Variants in MYLK4 observed in about 807,000 individuals in gnomAD.
MYLK4 encodes the protein caMLCK like.
Under a neutral mutation model 48.1 loss-of-function variants are expected in MYLK4, and 46 were observed. The ratio of observed to expected loss-of-function variants is 0.96; its 90% CI spans 0.75 to 1.22. The LOEUF is 1.22. MYLK4 is among the 50% of genes most tolerant of loss of function. MYLK4 has a pLI of 0.00. For synonymous variants in MYLK4, 170 were observed against 180.8 expected (o/e 0.94, Z 0.48); for missense variants, 451 against 486.1 (o/e 0.93, Z 0.68).
At chr6:2,752,590 G>A (rs1033661053), upstream of MYLK4, among the ~76,000 whole-genome samples, 22 of 152,140 alleles carry the variant, frequency 1.4e-4, no homozygotes, top group African/African-American at 5.1e-4. Flanking sequence ...TGTGGGAAGG[G>A]CAACTCTGGA....
intron 3 of MYLK4, among the ~76,000 whole-genome samples, chr6:2,690,689 A>AT (rs1300548266): frequency 6.6e-6 from 1 of 152,034 alleles, no homozygotes; most frequent in Non-Finnish European, 1.5e-5. Flanking sequence ...ACCCCAAGTT[A>AT]TTCCACTGGA....
intron 2 of MYLK4, among the ~76,000 whole-genome samples, chr6:2,706,496 G>T (rs540912890): frequency 6.6e-6 from 1 of 152,094 alleles, no homozygotes; most frequent in Non-Finnish European, 1.5e-5. Context: ...TATTAAATAC[G>T]TGTAATTTTT....
intron 2 of MYLK4, among the ~76,000 whole-genome samples, chr6:2,712,147 C>T (rs1190451452): frequency 3.3e-5 from 5 of 152,174 alleles, no homozygotes; most frequent in Non-Finnish European, 7.3e-5. Context: ...TCCTCAAGCA[C>T]GGATGCCACT....
At chr6:2,669,417 T>C (rs1364418615) in intron 12 of MYLK4, among the ~76,000 whole-genome samples, 1 of 152,202 alleles carries the variant, frequency 6.6e-6, no homozygotes. Flanking sequence ...CCCATCACCA[T>C]TTCCTCCTCA....
intron 2 of MYLK4, among the ~76,000 whole-genome samples, chr6:2,716,498 A>G (rs1359910627): frequency 6.6e-6 from 1 of 152,206 alleles, no homozygotes; most frequent in Non-Finnish European, 1.5e-5. Context: ...GGCATCGAGT[A>G]TTCTATTTCA....
chr6:2,752,627 G>A (rs146288168), upstream of MYLK4, among the ~76,000 whole-genome samples: 17 of 152,270 alleles, frequency 1.1e-4, no homozygotes, highest in Middle Eastern at 3.4e-3. Flanking sequence ...GAAGTCTTTG[G>A]CAAGTCCATT....
At chr6:2,712,880 C>G (rs1308207152) in intron 2 of MYLK4, among the ~76,000 whole-genome samples, 1 of 152,198 alleles carries the variant, frequency 6.6e-6, no homozygotes, top group Admixed American at 6.5e-5. Context: ...TCCTCTCTCT[C>G]AAAACCAAGG....
At chr6:2,765,878 C>T in the MYLK4 span, 1 of 1,448,460 alleles carries the variant, frequency 6.9e-7, no homozygotes, top group Non-Finnish European at 9.1e-7. Context: ...GCCAGCCACC[C>T]CGACGGCAGC....
At position 2,722,512 on chromosome 6, in the gene MYLK4, A is replaced by T. The variant is rs1582095738; in HGVS notation, c.159+26624T>A. On this transcript the variant is annotated intron_variant, in intron 2 of 12. Coordinates refer to ENST00000274643, the MANE Select transcript of MYLK4 (RefSeq NM_001012418.5). ...AGAGCAGGAAGTAGGACATAAAAGG[A>T]GTGTGTGTGTGTGTGTGTGTGTGTG... 2.9e-5 allele frequency among the ~76,000 whole-genome samples: 4 copies of T among 139,440 alleles called. No individual in the cohort carries two copies. The Admixed American group carries it at 2.9e-4, about 10-fold the overall frequency. The allele number at this position is 139,440 out of a possible 152,430, so 91.5% of individuals were successfully genotyped here. A position where few individuals can be genotyped will look rare whatever the true frequency, so the allele number is the denominator to read the frequency against.
chr6:2,765,182 A>C, the MYLK4 span, among the ~76,000 whole-genome samples: 263 of 72,840 alleles, frequency 3.6e-3, no homozygotes, highest in African/African-American at 5.2e-3. Flanking sequence ...TCGCCTCGCA[A>C]CCCCCCCCCC....
chr6:2,730,289 G>A (rs1458578685), intron 2 of MYLK4, among the ~76,000 whole-genome samples: 2 of 152,226 alleles, frequency 1.3e-5, no homozygotes, highest in African/African-American at 4.8e-5. Context: ...CCCCAAGGGA[G>A]CCCCTCTTTT....
chr6:2,762,127 C>T, the MYLK4 span, among the ~76,000 whole-genome samples: 2 of 152,142 alleles, frequency 1.3e-5, no homozygotes, highest in South Asian at 4.1e-4. Flanking sequence ...CCACGATGGT[C>T]CCCAACTCCT....
chr6:2,767,764 A>G, the MYLK4 span, among the ~76,000 whole-genome samples: 4 of 152,156 alleles, frequency 2.6e-5, no homozygotes, highest in Non-Finnish European at 4.4e-5. Context: ...AGCTCATCCC[A>G]CCTACCAAAT....
chr6:2,691,926 T>C (rs9503254), intron 3 of MYLK4, among the ~76,000 whole-genome samples: 3 of 152,224 alleles, frequency 2.0e-5, no homozygotes, highest in African/African-American at 4.8e-5. Flanking sequence ...TAAACCGCAA[T>C]GGCACATAGC....
intron 2 of MYLK4, among the ~76,000 whole-genome samples, chr6:2,729,117 C>T (rs776960631): frequency 8.5e-5 from 13 of 152,250 alleles, no homozygotes; most frequent in African/African-American, 2.7e-4. Flanking sequence ...TTAGCTCACA[C>T]TCCTGCAAAG....
At position 2,664,627 on chromosome 6, in the gene MYLK4, T is replaced by G. The variant is rs541923170; in HGVS notation, c.*3298A>C. The G allele has an allele frequency of 1.1e-4, 16 of 152,218 alleles. No homozygotes were observed. The highest frequency in any genetic ancestry group is 1.0e-3 in the Admixed American group (16 of 15,292). The allele number at this position is 152,218 out of a possible 1,614,324, so 9.4% of individuals were successfully genotyped here. A position where few individuals can be genotyped will look rare whatever the true frequency, so the allele number is the denominator to read the frequency against. ...AATTGCTAAGCTAATTTCCATAAAA[T>G]GGATAAAAATTAAGTATTCACACAT... On this transcript the variant is annotated 3_prime_UTR_variant, in exon 13 of 13. Transcript: ENST00000274643.
chr6:2,744,802 A>C (rs1402639294), intron 2 of MYLK4, among the ~76,000 whole-genome samples: 1 of 152,200 alleles, frequency 6.6e-6, no homozygotes, highest in African/African-American at 2.4e-5. Context: ...GATATGGAAG[A>C]ACTTAAGCCA....
intron 6 of MYLK4, among the ~76,000 whole-genome samples, chr6:2,683,376 C>T (rs1761393278): frequency 7.0e-6 from 1 of 142,706 alleles, no homozygotes; most frequent in Admixed American, 7.5e-5. Flanking sequence ...ATCCTCAAGC[C>T]AACTCCCCAC....
At chr6:2,733,500 G>A (rs569260960) in intron 2 of MYLK4, among the ~76,000 whole-genome samples, 24 of 152,202 alleles carry the variant, frequency 1.6e-4, no homozygotes, top group African/African-American at 5.1e-4. Flanking sequence ...AGGAACCACC[G>A]AGGAGGTGTG....
Sources: allele counts gnomAD v4.1 joint callset (sites outside exome capture counted in the v4.1 genomes callset), GRCh38; gene constraint gnomAD v4.1.1; transcripts MANE v1.5; gene names NCBI Gene and HGNC (gene_info 2026-07-23, HGNC 2026-07-21).